Variants in HHLA2 observed in about 807,000 individuals in gnomAD.
HHLA2 encodes the protein HHLA2 member of B7 family, also known as HERV-H LTR-associating protein 2.
In HHLA2, 48 loss-of-function variants were observed where a neutral mutation model predicts 45.9. The observed-to-expected ratio is 1.05, with a 90% confidence interval of 0.83 to 1.33. The LOEUF is 1.33. HHLA2 is among the 40% of genes most tolerant of loss of function. The probability of loss-of-function intolerance (pLI) is 0.00; values close to 1 mark genes in which losing one functional copy is unlikely to be tolerated. For synonymous variants in HHLA2, 161 were observed against 173.9 expected, an observed-to-expected ratio of 0.93 and a Z score of 0.59; for missense variants, 462 against 494.3, an observed-to-expected ratio of 0.93 and a Z score of 0.62.
At chr3:108,346,656 A>G (rs1283427203) in intron 3 of HHLA2, among the ~76,000 whole-genome samples, 1 of 149,982 alleles carries the variant, frequency 6.7e-6, no homozygotes, top group African/African-American at 2.5e-5. Flanking sequence ...CTAGTCTTTT[A>G]AAAAATATAT....
rs1382357280 is a variant in HHLA2 at position 108,343,136 on chromosome 3, C to G, written c.-26-8652C>G. ...TGTGGGGTACCATACAAAGAATGAC[C>G]TAGTCCTGTTTCCTAGGAGGTCAAG... On this transcript the variant is annotated intron_variant, in intron 3 of 10. Transcript: ENST00000619531. Among the ~76,000 whole-genome samples, 3 of 152,274 alleles carry G rather than the reference C, an allele frequency of 2.0e-5. No homozygotes were observed. The East Asian group carries it at 5.8e-4, about 29-fold the overall frequency.
intron 1 of HHLA2, among the ~76,000 whole-genome samples, chr3:108,304,073 A>C (rs1287498946): frequency 6.6e-6 from 1 of 152,162 alleles, no homozygotes; most frequent in East Asian, 1.9e-4. Flanking sequence ...AGTGTTCTAA[A>C]GGGGAATGCA....
At chr3:108,353,542 A>T in exon 5 of HHLA2, 1 of 1,613,484 alleles carries the variant, frequency 6.2e-7, no homozygotes, top group African/African-American at 1.3e-5. Context: ...CCGAAGTCGT[A>T]ATACACTGGA....
intron 3 of HHLA2, among the ~76,000 whole-genome samples, chr3:108,344,066 A>C (rs1207079161): frequency 6.6e-6 from 1 of 152,220 alleles, no homozygotes; most frequent in African/African-American, 2.4e-5. Context: ...TAGTTAGTCT[A>C]GCTAAGAAAA....
intron 7 of HHLA2, among the ~76,000 whole-genome samples, chr3:108,358,864 T>TATCA (rs1232611695): frequency 4.6e-5 from 7 of 152,202 alleles, no homozygotes; most frequent in African/African-American, 1.7e-4. Flanking sequence ...GAAATATTTC[T>TATCA]ATCATTTCAA....
chr3:108,355,737 C>T (rs2081877479), intron 6 of HHLA2, among the ~76,000 whole-genome samples: 1 of 152,182 alleles, frequency 6.6e-6, no homozygotes, highest in Admixed American at 6.5e-5. Context: ...ACCAGCATTG[C>T]TCTTTAAAAG....
At chr3:108,367,585 T>C (rs552126806) in intron 8 of HHLA2, among the ~76,000 whole-genome samples, 2 of 151,726 alleles carry the variant, frequency 1.3e-5, no homozygotes, top group Non-Finnish European at 2.9e-5. Context: ...GCCGAATCGA[T>C]CAAGCAGAAG....
intron 3 of HHLA2, among the ~76,000 whole-genome samples, chr3:108,348,759 A>G (rs2081718276): frequency 6.6e-6 from 1 of 152,016 alleles, no homozygotes; most frequent in Non-Finnish European, 1.5e-5. Flanking sequence ...TCAACCCGTC[A>G]CCTACATTAG....
intron 2 of HHLA2, among the ~76,000 whole-genome samples, chr3:108,320,580 A>G (rs956262639): frequency 3.9e-5 from 6 of 152,062 alleles, no homozygotes; most frequent in Non-Finnish European, 7.4e-5. Flanking sequence ...GGTTTTCTTC[A>G]TAGTTTTCAT....
At chr3:108,348,704 T>G (rs921475131) in intron 3 of HHLA2, among the ~76,000 whole-genome samples, 2 of 152,156 alleles carry the variant, frequency 1.3e-5, no homozygotes, top group South Asian at 4.2e-4. Flanking sequence ...AACATGCAGT[T>G]TTGTTACATA....
chr3:108,337,044 G>A (rs1328417161), intron 3 of HHLA2, among the ~76,000 whole-genome samples: 1 of 152,062 alleles, frequency 6.6e-6, no homozygotes, highest in African/African-American at 2.4e-5. Context: ...GAGGGGAAAT[G>A]GCATTTCCAA....
At chr3:108,315,999 T>C (rs773259488) in intron 2 of HHLA2, among the ~76,000 whole-genome samples, 12 of 152,076 alleles carry the variant, frequency 7.9e-5, no homozygotes, top group Non-Finnish European at 1.8e-4. Context: ...AGGTGAGCTA[T>C]TGCATTATAA....
chr3:108,332,959 G>A (rs2081411399), intron 3 of HHLA2, among the ~76,000 whole-genome samples: 1 of 152,194 alleles, frequency 6.6e-6, no homozygotes, highest in Non-Finnish European at 1.5e-5. Flanking sequence ...ATGGTGGATT[G>A]TATATGATAG....
intron 3 of HHLA2, among the ~76,000 whole-genome samples, chr3:108,340,746 G>T (rs2081550366): frequency 6.6e-6 from 1 of 151,902 alleles, no homozygotes; most frequent in Non-Finnish European, 1.5e-5. Context: ...AAATATTTAA[G>T]TCCCAGCTAT....
chr3:108,360,119 T>G (rs1010322252), intron 7 of HHLA2, among the ~76,000 whole-genome samples: 2 of 135,186 alleles, frequency 1.5e-5, no homozygotes, highest in Non-Finnish European at 3.2e-5. Context: ...TCCTCTATCC[T>G]CTACTTGCAA....
intron 1 of HHLA2, among the ~76,000 whole-genome samples, chr3:108,307,590 CG>C (rs559594627): frequency 3.4e-4 from 52 of 151,512 alleles, no homozygotes; most frequent in African/African-American, 1.2e-3. Flanking sequence ...GCCAAGATCA[CG>C]CCACTGCACT....
chr3:108,314,341 T>TAAAAAAAAA (rs35811968), intron 2 of HHLA2, among the ~76,000 whole-genome samples: 1 of 146,248 alleles, frequency 6.8e-6, no homozygotes, highest in African/African-American at 2.5e-5. Context: ...TACTGTCTCT[T>TAAAAAAAAA]AAAAAAAAAA....
At position 108,323,463 on chromosome 3, in the gene HHLA2, G is replaced by A. The variant is rs567560657; in HGVS notation, c.-104-4807G>A. Among the ~76,000 whole-genome samples, 9 of 152,170 alleles carry A rather than the reference G, an allele frequency of 5.9e-5. No homozygotes were observed. The South Asian group carries it at 1.5e-3, about 25-fold the overall frequency. ...AAAATCCCTTCCCTAAATTTTTATT[G>A]AGTTAAGGAGATAAGAAACAAAATT... is the stretch of plus-strand genomic sequence containing the variant. On this transcript the variant is annotated intron_variant, in intron 2 of 10. Transcript: ENST00000619531.
intron 3 of HHLA2, among the ~76,000 whole-genome samples, chr3:108,335,077 C>A (rs1235681862): frequency 6.6e-6 from 1 of 152,170 alleles, no homozygotes; most frequent in Non-Finnish European, 1.5e-5. Context: ...TGGAGAAAGG[C>A]TTTGCTCCCT....
Sources: allele counts gnomAD v4.1 joint callset (sites outside exome capture counted in the v4.1 genomes callset), GRCh38; gene constraint gnomAD v4.1.1; transcripts MANE v1.5; gene names NCBI Gene and HGNC (gene_info 2026-07-23, HGNC 2026-07-21).